Variants in WNK1 observed in about 807,000 individuals in gnomAD.
The protein encoded by WNK1 is WNK lysine deficient protein kinase 1.
A neutral mutation model predicts 222.8 loss-of-function variants in WNK1; 38 were observed. The observed-to-expected ratio is 0.17, with a 90% confidence interval of 0.13 to 0.22. The LOEUF (loss-of-function observed/expected upper bound fraction) is 0.22, where lower values mean the gene tolerates loss of function less well. Ranked by LOEUF, WNK1 falls within the 10% of genes least tolerant of loss-of-function variation. WNK1 has a pLI of 1.00. For missense variants in WNK1, 2,348 were observed against 2,918.4 expected (o/e 0.80, Z 4.50); for synonymous variants, 1,090 against 1,092.9 (o/e 1.00, Z 0.05).
chr12:899,257 G>T (rs1955013637), intron 25 of WNK1, among the ~76,000 whole-genome samples: 1 of 152,134 alleles, frequency 6.6e-6, no homozygotes, highest in African/African-American at 2.4e-5. Context: ...AGATGTGATT[G>T]TAAGAGAAAT....
At chr12:860,363 C>G (rs1298421409) in intron 6 of WNK1, among the ~76,000 whole-genome samples, 2 of 152,176 alleles carry the variant, frequency 1.3e-5, no homozygotes, top group African/African-American at 4.8e-5. Flanking sequence ...TAAGGAAACC[C>G]TTCCCCAAAT....
At chr12:901,801 C>T (rs1041176687) in intron 26 of WNK1, 3 of 299,138 alleles carry the variant, frequency 1.0e-5, no homozygotes, top group African/African-American at 6.7e-5. Context: ...AGTTTGGGCC[C>T]CCACATTAAT....
chr12:855,003 A>G (rs1950676531), intron 4 of WNK1, among the ~76,000 whole-genome samples: 1 of 152,238 alleles, frequency 6.6e-6, no homozygotes, highest in Admixed American at 6.5e-5. Flanking sequence ...CGTTGAATCC[A>G]CAGACGTGGA....
rs1399783048 is a variant in WNK1 at position 865,159 on chromosome 12, TG to T, written c.2139+2890del. 5 of 1,531,838 alleles carry T rather than the reference TG, an allele frequency of 3.3e-6. No individual in the cohort carries two copies. The Admixed American group carries it at 9.9e-5, about 30-fold the overall frequency. The allele number at this position is 1,531,838 out of a possible 1,614,324, so 94.9% of individuals were successfully genotyped here. On this transcript the variant is annotated intron_variant, in intron 8 of 27. Transcript: ENST00000315939. The stretch of plus-strand genomic sequence containing the variant: ...GTTTGTGTTCCCATCTTTCTGCTGT[TG>T]CCTCTGTGTCCCGCATCTCTCCCAG...
At chr12:873,486 A>G (rs1952341887) in intron 9 of WNK1, among the ~76,000 whole-genome samples, 1 of 152,206 alleles carries the variant, frequency 6.6e-6, no homozygotes, top group South Asian at 2.1e-4. Flanking sequence ...GAATCACAAA[A>G]TTGAGCCCTC....
At chr12:839,036 TAAAGC>T (rs1949417759) in intron 4 of WNK1, among the ~76,000 whole-genome samples, 1 of 152,032 alleles carries the variant, frequency 6.6e-6, no homozygotes, top group African/African-American at 2.4e-5. Flanking sequence ...AACAAACAAA[TAAAGC>T]AAACAGTTAC....
chr12:907,023 T>TGAAAAAAAAAAAAAAAAAA (rs1565621789), intron 26 of WNK1, among the ~76,000 whole-genome samples: 1 of 1,562 alleles, frequency 6.4e-4, no homozygotes, highest in South Asian at 0.062. Flanking sequence ...GACCCTTCCT[T>TGAAAAAAAAAAAAAAAAAA]TAAAAAAAAA....
intron 1 of WNK1, among the ~76,000 whole-genome samples, chr12:764,732 A>G (rs1293377754): frequency 6.8e-6 from 1 of 146,784 alleles, no homozygotes; most frequent in Admixed American, 6.8e-5. Flanking sequence ...GTAACAATTA[A>G]ATTTAAGGTT....
At chr12:757,806 G>A (rs1466956947) in intron 1 of WNK1, among the ~76,000 whole-genome samples, 1 of 147,040 alleles carries the variant, frequency 6.8e-6, no homozygotes, top group African/African-American at 2.4e-5. Context: ...GGGAGGCCGA[G>A]GCGGGTGGAT....
chr12:840,312 T>TTTTGGGGG, intron 4 of WNK1, among the ~76,000 whole-genome samples: 1 of 112,644 alleles, frequency 8.9e-6, no homozygotes, highest in Non-Finnish European at 1.9e-5. Context: ...TTTTTTTTTT[T>TTTTGGGGG]GTAGAGGTGG....
At position 871,476 on chromosome 12, in the gene WNK1, T is replaced by C. The variant is rs887935361; in HGVS notation, c.2223+128T>C. The stretch of plus-strand genomic sequence containing the variant: ...GAAAATTAAGAGGCATACCATGTCT[T>C]GTGTTCAGTAACAAAGAAAAAAAAG... On this transcript the variant is annotated intron_variant, in intron 9 of 27. Coordinates refer to ENST00000315939, the MANE Select transcript of WNK1 (RefSeq NM_018979.4). 33 of 851,430 alleles carry C rather than the reference T, an allele frequency of 3.9e-5. 3 individuals are homozygous for C. Among genetic ancestry groups the C allele is most frequent in the Admixed American group, 2.3e-4 (11 of 48,804 alleles). The allele number at this position is 851,430 out of a possible 1,614,324, so 52.7% of individuals were successfully genotyped here. A position where few individuals can be genotyped will look rare whatever the true frequency, so the allele number is the denominator to read the frequency against.
At chr12:783,422 G>A (rs1038926500) in intron 1 of WNK1, among the ~76,000 whole-genome samples, 4 of 151,846 alleles carry the variant, frequency 2.6e-5, no homozygotes, top group African/African-American at 9.7e-5. Context: ...GGAGGCTGAG[G>A]TGGGAGGATT....
intron 9 of WNK1, among the ~76,000 whole-genome samples, chr12:872,626 C>T (rs185579038): frequency 1.3e-5 from 2 of 152,340 alleles, no homozygotes; most frequent in East Asian, 3.9e-4. Context: ...TAATTGAATA[C>T]TTATTAGCTA....
At chr12:803,429 T>A (rs1946067052) in intron 1 of WNK1, among the ~76,000 whole-genome samples, 1 of 152,234 alleles carries the variant, frequency 6.6e-6, no homozygotes, top group Non-Finnish European at 1.5e-5. Context: ...ATATTCCAGA[T>A]AGTGGCTCTG....
intron 1 of WNK1, among the ~76,000 whole-genome samples, chr12:754,824 A>T (rs901936369): frequency 4.5e-4 from 68 of 152,226 alleles, no homozygotes; most frequent in Non-Finnish European, 7.4e-4. Flanking sequence ...AATAATTATT[A>T]AAAAAAGACT....
intron 1 of WNK1, among the ~76,000 whole-genome samples, chr12:779,409 TC>T (rs1377445013): frequency 2.0e-4 from 28 of 137,440 alleles, no homozygotes; most frequent in South Asian, 2.3e-4. Context: ...TTTTTTTTTT[TC>T]TTTTTTTTTT....
intron 1 of WNK1, among the ~76,000 whole-genome samples, chr12:776,908 A>G (rs140293316): frequency 1.3e-5 from 2 of 152,362 alleles, no homozygotes; most frequent in East Asian, 3.9e-4. Flanking sequence ...TGTTTGAGTC[A>G]TAATAACTGA....
In WNK1 at chr12:883,404, G is replaced by T; in HGVS notation, c.3499G>T (p.Asp1167Tyr). 2 of 1,614,126 alleles carry T rather than the reference G, an allele frequency of 1.2e-6. No homozygotes were observed. Among genetic ancestry groups the T allele is most frequent in the South Asian group, 2.2e-5 (2 of 91,038 alleles). ...CACATTTCTTTTACAGGTGAACAAT[G>T]ACTTTATTCTAGCAATAGAGAGAGA... ...EEIATIMVNN[D>Y]FILAIERESF... Residue 1167 changes from aspartate to tyrosine, a missense_variant, in exon 16 of 28, where the codon GAC becomes TAC. Physicochemically the swap from Asp to Tyr is radical, Grantham distance 160 (BLOSUM62 -3). Coordinates refer to ENST00000315939, the MANE Select transcript of WNK1 (RefSeq NM_018979.4).
intron 8 of WNK1, among the ~76,000 whole-genome samples, chr12:869,748 T>G (rs1592105271): frequency 6.6e-6 from 1 of 151,896 alleles, no homozygotes; most frequent in Non-Finnish European, 1.5e-5. Flanking sequence ...CCAAATAAAA[T>G]GCTAATTCAT....
Sources: allele counts gnomAD v4.1 joint callset (sites outside exome capture counted in the v4.1 genomes callset), GRCh38; gene constraint gnomAD v4.1.1; transcripts MANE v1.5; gene names NCBI Gene and HGNC (gene_info 2026-07-23, HGNC 2026-07-21).